The following PAQR8 variants were observed in gnomAD, a reference collection of about 807,000 sequenced individuals.
The protein encoded by PAQR8 is progestin and adipoQ receptor family member 8.
PAQR8 carries 17 observed loss-of-function variants against 25.2 expected under a neutral mutation model. That is an observed-to-expected ratio of 0.67 (90% confidence interval 0.46 to 1.01). PAQR8 has a LOEUF of 1.01. Among genes scored for constraint, PAQR8 ranks in the 50% least tolerant of loss-of-function variants. The pLI, the probability that PAQR8 is intolerant of heterozygous loss-of-function variation, is 0.00. For synonymous variants in PAQR8, 204 were observed against 190.6 expected (o/e 1.07, Z -0.58); for missense variants, 392 against 448.4 (o/e 0.87, Z 1.14).
At position 52,382,127 on chromosome 6, in the gene PAQR8, T is replaced by C. The variant is rs544859385; in HGVS notation, c.-53+19878T>C. On this transcript the variant is annotated intron_variant, in intron 1 of 1. Coordinates refer to ENST00000442253, the MANE Select transcript of PAQR8 (RefSeq NM_133367.5). ...AAGAAACTTATGGCCTACTTGGGAATACTCAGGTAACTACAGAACAAGGTT... is the reference window on the plus strand; with the variant it reads ...AAGAAACTTATGGCCTACTTGGGAACACTCAGGTAACTACAGAACAAGGTT... Among the ~76,000 whole-genome samples the C allele has an allele frequency of 4.6e-5, 7 of 152,316 alleles. No individual in the cohort carries two copies. In the East Asian group the frequency reaches 1.3e-3, roughly 29 times the overall value.
In PAQR8 at chr6:52,403,249, G is replaced by T; in HGVS notation, c.36G>T (p.Leu12=). Residue 12 remains leucine (L), a synonymous_variant, in exon 2 of 2, where the codon CTG becomes CTT. Transcript: ENST00000442253. ...TTAILERLST[L]SVSGQQLRRL... ...CCATCTTGGAGCGCCTGAGCACCCTGTCGGTCAGCGGGCAGCAGCTGCGCC... is the reference window on the plus strand; with the variant it reads ...CCATCTTGGAGCGCCTGAGCACCCTTTCGGTCAGCGGGCAGCAGCTGCGCC... The T allele has an allele frequency of 6.2e-7, 1 of 1,609,538 alleles. No homozygotes were observed. Among genetic ancestry groups the T allele is most frequent in the Middle Eastern group, 1.7e-4 (1 of 6,034 alleles).
intron 1 of PAQR8, among the ~76,000 whole-genome samples, chr6:52,380,810 G>A (rs1251895483): frequency 6.6e-6 from 1 of 152,174 alleles, no homozygotes; most frequent in Non-Finnish European, 1.5e-5. Flanking sequence ...TAAAAATCCT[G>A]TGACCTGGAC....
At chr6:52,396,798 A>T (rs988443818) in intron 1 of PAQR8, among the ~76,000 whole-genome samples, 1 of 152,222 alleles carries the variant, frequency 6.6e-6, no homozygotes, top group Non-Finnish European at 1.5e-5. Context: ...GGACGAGTCA[A>T]GTCTGGGTTG....
intron 1 of PAQR8, among the ~76,000 whole-genome samples, chr6:52,382,610 AT>A (rs77123850): frequency 0.18 from 27,151 of 152,182 alleles, 2,635 homozygotes; most frequent in Non-Finnish European, 0.22. Flanking sequence ...AAGGTTAAAA[AT>A]ATCCAAAAAA....
intron 1 of PAQR8, among the ~76,000 whole-genome samples, chr6:52,379,733 TCTC>T (rs1195398729): frequency 2.0e-5 from 3 of 150,590 alleles, no homozygotes; most frequent in Admixed American, 1.3e-4. Flanking sequence ...TTCACGCCAT[TCTC>T]CTGCTTCAGC....
chr6:52,397,565 T>G (rs1431959132), intron 1 of PAQR8, among the ~76,000 whole-genome samples: 1 of 152,264 alleles, frequency 6.6e-6, no homozygotes, highest in Non-Finnish European at 1.5e-5. Flanking sequence ...GGTCTTATTG[T>G]ATTCTTCCTC....
rs1160347966 is a variant in PAQR8 at position 52,403,798 on chromosome 6, C to T, written c.585C>T (p.Cys195=). 6.2e-7 allele frequency: 1 copy of T among 1,614,100 alleles called. No homozygotes were observed. The highest frequency in any genetic ancestry group is 8.5e-7 in the Non-Finnish European group (1 of 1,180,050). The change falls in exon 2 of 2, where the codon TGC becomes TGT. Residue 195 remains cysteine (C), a synonymous_variant. Transcript: ENST00000442253. ...GCTGGTTATCTTGTGCTGGCTGTTG[C>T]TATGCCAAATATCGTTACCGGAGGC... The part of the protein sequence containing the change: ...FCGWLSCAGC[C]YAKYRYRRPY...
intron 1 of PAQR8, among the ~76,000 whole-genome samples, chr6:52,394,917 T>C (rs1277628225): frequency 6.6e-6 from 1 of 151,504 alleles, no homozygotes; most frequent in Non-Finnish European, 1.5e-5. Flanking sequence ...TTTTACCCCA[T>C]TTTTCTCTTT....
At chr6:52,381,539 T>G (rs1763560058) in intron 1 of PAQR8, among the ~76,000 whole-genome samples, 1 of 152,144 alleles carries the variant, frequency 6.6e-6, no homozygotes, top group Non-Finnish European at 1.5e-5. Context: ...GCCCAGAGGT[T>G]GAGGCTGCAG....
intron 1 of PAQR8, among the ~76,000 whole-genome samples, chr6:52,402,407 C>T (rs1379047262): frequency 1.3e-5 from 2 of 150,724 alleles, no homozygotes; most frequent in Non-Finnish European, 3.0e-5. Context: ...CACCTGAGGT[C>T]GGGCGTTCCA....
Position 52,399,607 on chromosome 6 carries a change from C to T in PAQR8, c.-52-3555C>T, listed in dbSNP as rs975215607. ...GGGTTCCCAAAGATGAGAGAAATAG[C>T]CTTGATTTTAGACAGCATGCAGACA... On this transcript the variant is annotated intron_variant, in intron 1 of 1. Transcript: ENST00000442253. 4.6e-5 allele frequency among the ~76,000 whole-genome samples: 7 copies of T among 152,062 alleles called. No homozygotes were observed. The South Asian group carries it at 6.2e-4, about 14-fold the overall frequency.
intron 1 of PAQR8, among the ~76,000 whole-genome samples, chr6:52,364,552 G>A (rs1467097684): frequency 6.6e-6 from 1 of 152,174 alleles, no homozygotes; most frequent in East Asian, 1.9e-4. Flanking sequence ...TAATTCTAGT[G>A]ATGCTGTCAC....
At chr6:52,394,562 A>G (rs545458358) in intron 1 of PAQR8, among the ~76,000 whole-genome samples, 1 of 152,354 alleles carries the variant, frequency 6.6e-6, no homozygotes, top group Non-Finnish European at 1.5e-5. Context: ...TCTGGGCAGC[A>G]GCAGTAACCT....
At chr6:52,397,281 C>T (rs1339902022) in intron 1 of PAQR8, among the ~76,000 whole-genome samples, 7 of 152,200 alleles carry the variant, frequency 4.6e-5, no homozygotes, top group Non-Finnish European at 1.0e-4. Context: ...AGCCCCTCTG[C>T]TCACAGACCT....
At chr6:52,364,083 G>GTATTTTTTTTTTT (rs1763322318) in intron 1 of PAQR8, among the ~76,000 whole-genome samples, 1 of 84,266 alleles carries the variant, frequency 1.2e-5, no homozygotes, top group African/African-American at 4.6e-5. Context: ...TGAAAGATAT[G>GTATTTTTTTTTTT]TTTTTTTTTT....
chr6:52,388,391 AAG>A (rs1212470863), intron 1 of PAQR8, among the ~76,000 whole-genome samples: 5 of 151,948 alleles, frequency 3.3e-5, no homozygotes, highest in African/African-American at 1.2e-4. Context: ...AAAAAAAAAA[AAG>A]CAATAAATGT....
intron 1 of PAQR8, among the ~76,000 whole-genome samples, chr6:52,383,209 G>A (rs1336554495): frequency 6.6e-6 from 1 of 152,222 alleles, no homozygotes; most frequent in Admixed American, 6.5e-5. Context: ...CGTGATAAAT[G>A]TTACGTTATT....
At chr6:52,386,141 C>G in intron 1 of PAQR8, among the ~76,000 whole-genome samples, 1 of 151,854 alleles carries the variant, frequency 6.6e-6, no homozygotes, top group Admixed American at 6.6e-5. Context: ...AAAACTACAA[C>G]CAGATACTAT....
rs149842829 is a variant in PAQR8 at position 52,388,594 on chromosome 6, T to C, written c.-52-14568T>C. Among the ~76,000 whole-genome samples the C allele has an allele frequency of 9.3e-3, 1,411 of 152,276 alleles. 8 individuals are homozygous for C. Among genetic ancestry groups the C allele is most frequent in the Middle Eastern group, 0.024 (7 of 294 alleles). ...GAGAGCTCCCTTGCCTCTTCTGCCA[T>C]GTGAGGACATAACAAGAAGACAGTC... On this transcript the variant is annotated intron_variant, in intron 1 of 1. Coordinates refer to ENST00000442253, the MANE Select transcript of PAQR8 (RefSeq NM_133367.5).
Sources: gnomAD v4.1 joint callset for allele counts (sites outside exome capture counted in the v4.1 genomes callset) on GRCh38, gnomAD v4.1.1 for gene constraint, MANE v1.5 for transcripts, NCBI Gene and HGNC (gene_info 2026-07-23, HGNC 2026-07-21) for gene names.